The following NPAS3 variants were observed in gnomAD, a reference collection of about 807,000 sequenced individuals.
The protein encoded by NPAS3 is neuronal PAS domain protein 3.
In NPAS3, 14 loss-of-function variants were observed where a neutral mutation model predicts 73.1. That is an observed-to-expected ratio of 0.19 (90% CI 0.13 to 0.30). The LOEUF (loss-of-function observed/expected upper bound fraction) is 0.30. Among genes scored for constraint, NPAS3 ranks in the 10% least tolerant of loss-of-function variants. NPAS3 has a pLI of 1.00. For missense variants in NPAS3, 1,096 were observed against 1,250.0 expected (o/e 0.88, Z 1.86); for synonymous variants, 620 against 541.5 (o/e 1.14, Z -2.01).
intron 5 of NPAS3, among the ~76,000 whole-genome samples, chr14:33,625,025 C>T (rs1325970227): frequency 2.6e-5 from 4 of 152,062 alleles, no homozygotes; most frequent in Non-Finnish European, 5.9e-5. Flanking sequence ...AGTATGTTTT[C>T]TGTTTGACTG....
At chr14:33,660,500 T>C (rs2059275528) in intron 5 of NPAS3, among the ~76,000 whole-genome samples, 1 of 152,244 alleles carries the variant, frequency 6.6e-6, no homozygotes, top group Non-Finnish European at 1.5e-5. Context: ...ATGGATTGCA[T>C]GAAATTTTCC....
At chr14:33,456,923 A>G (rs2050048058) in intron 4 of NPAS3, among the ~76,000 whole-genome samples, 1 of 152,214 alleles carries the variant, frequency 6.6e-6, no homozygotes, top group African/African-American at 2.4e-5. Flanking sequence ...AAGCAGGGGA[A>G]GGACTTCCTC....
intron 2 of NPAS3, among the ~76,000 whole-genome samples, chr14:33,062,712 G>T (rs2041152478): frequency 6.6e-6 from 1 of 152,230 alleles, no homozygotes; most frequent in Non-Finnish European, 1.5e-5. Context: ...ACCACAACGA[G>T]CCTTTTGTAG....
At chr14:33,196,045 GAGTC>G (rs369287256) in intron 2 of NPAS3, among the ~76,000 whole-genome samples, 5 of 152,234 alleles carry the variant, frequency 3.3e-5, no homozygotes, top group African/African-American at 9.6e-5. Context: ...AAGAAACACA[GAGTC>G]AGAGAAATTA....
At chr14:33,261,896 G>T (rs567347636) in intron 3 of NPAS3, among the ~76,000 whole-genome samples, 3 of 152,302 alleles carry the variant, frequency 2.0e-5, no homozygotes, top group Admixed American at 2.0e-4. Context: ...ATCATGAGGA[G>T]TCTGTGCTTG....
chr14:33,531,790 G>C (rs116201870), intron 4 of NPAS3, among the ~76,000 whole-genome samples: 1 of 152,082 alleles, frequency 6.6e-6, no homozygotes, highest in Non-Finnish European at 1.5e-5. Context: ...ACCATTTTGC[G>C]TTCCCATCAA....
intron 4 of NPAS3, among the ~76,000 whole-genome samples, chr14:33,406,910 G>GT (rs1342636420): frequency 6.6e-6 from 1 of 152,086 alleles, no homozygotes; most frequent in Non-Finnish European, 1.5e-5. Flanking sequence ...TAATTTGCCT[G>GT]TAAACACCGG....
At chr14:33,773,412 C>T (rs1009301430) in intron 7 of NPAS3, among the ~76,000 whole-genome samples, 5 of 152,112 alleles carry the variant, frequency 3.3e-5, no homozygotes, top group South Asian at 2.1e-4. Context: ...CATGTGTGCA[C>T]GCACACCCCC....
chr14:33,232,933 G>A (rs78122361), intron 3 of NPAS3, among the ~76,000 whole-genome samples: 1,675 of 152,164 alleles, frequency 0.011, 26 homozygotes, highest in African/African-American at 0.038. Flanking sequence ...ATTTAGGGGC[G>A]GAAGAAAACT....
chr14:33,535,902 G>A (rs144194495), intron 4 of NPAS3, among the ~76,000 whole-genome samples: 14 of 152,170 alleles, frequency 9.2e-5, no homozygotes, highest in African/African-American at 2.9e-4. Flanking sequence ...ACCCAGCCAC[G>A]CTCTCTGCCC....
At chr14:33,703,512 C>CATTCATTT (rs1227409251) in intron 6 of NPAS3, among the ~76,000 whole-genome samples, 2 of 152,006 alleles carry the variant, frequency 1.3e-5, no homozygotes, top group South Asian at 2.1e-4. Context: ...ATCATTGACT[C>CATTCATTT]ATTCATTTAT....
intron 3 of NPAS3, among the ~76,000 whole-genome samples, chr14:33,296,302 ATCAT>A (rs1378292407): frequency 2.6e-5 from 4 of 152,316 alleles, no homozygotes; most frequent in African/African-American, 7.2e-5. Context: ...TTATATAGAC[ATCAT>A]TCAGTATGTG....
At chr14:33,605,406 A>C (rs1041210006) in intron 5 of NPAS3, among the ~76,000 whole-genome samples, 1 of 151,424 alleles carries the variant, frequency 6.6e-6, no homozygotes, top group African/African-American at 2.4e-5. Flanking sequence ...AAAAAAAAAA[A>C]AAAACACAAA....
intron 3 of NPAS3, among the ~76,000 whole-genome samples, chr14:33,227,619 G>A (rs2047683633): frequency 6.6e-6 from 1 of 152,134 alleles, no homozygotes; most frequent in Non-Finnish European, 1.5e-5. Flanking sequence ...GAAAGATTAT[G>A]TCTCCTGTGT....
At chr14:33,360,139 A>G (rs1051779470) in intron 3 of NPAS3, among the ~76,000 whole-genome samples, 1 of 152,198 alleles carries the variant, frequency 6.6e-6, no homozygotes, top group Non-Finnish European at 1.5e-5. Flanking sequence ...CCGAGTTCCC[A>G]GCAGAGTGCC....
chr14:33,684,699 C>G (rs2060038317), intron 6 of NPAS3, among the ~76,000 whole-genome samples: 1 of 152,236 alleles, frequency 6.6e-6, no homozygotes, highest in Non-Finnish European at 1.5e-5. Flanking sequence ...GTCACTTGGT[C>G]TGCATCAGCC....
At chr14:33,648,391 A>C (rs2058895752) in intron 5 of NPAS3, among the ~76,000 whole-genome samples, 1 of 152,184 alleles carries the variant, frequency 6.6e-6, no homozygotes, top group Non-Finnish European at 1.5e-5. Flanking sequence ...TTTTGAAAAT[A>C]ACTTGGGCAT....
At chr14:33,291,627 G>A (rs948603724) in intron 3 of NPAS3, among the ~76,000 whole-genome samples, 4 of 152,150 alleles carry the variant, frequency 2.6e-5, no homozygotes, top group East Asian at 1.9e-4. Flanking sequence ...TACAGGATCC[G>A]CTGGCTTTAT....
In NPAS3 at chr14:33,800,075, G is replaced by C. The variant is rs1273418409; in HGVS notation, c.1768G>C (p.Gly590Arg). Residue 590 changes from glycine (G) to arginine (R), a missense_variant, in exon 12 of 12, where the codon GGC (glycine) becomes CGC (arginine). By Grantham distance (125) the Gly-to-Arg change is moderately radical. Around this residue, in one of 5 missense-constraint regions of NPAS3, gnomAD observed 698 missense variants for 676.7 expected, o/e 1.03. Transcript: ENST00000356141. This position sits in a 1 kb window ranked among gnomAD's most constrained non-coding sequence, Gnocchi z 6.5. The stretch of plus-strand genomic sequence containing the variant: ...GGACTCGGACAGCGCAGGCGAGGCG[G>C]GCGCGCAGGCCTCCAGCAAGCACCA... 1.9e-6 allele frequency: 3 copies of C among 1,598,022 alleles called. No individual in the cohort carries two copies. Among genetic ancestry groups the C allele is most frequent in the Non-Finnish European group, 2.6e-6 (3 of 1,175,800 alleles).
Sources: allele counts gnomAD v4.1 joint callset (sites outside exome capture counted in the v4.1 genomes callset), GRCh38; gene constraint gnomAD v4.1.1; regional missense constraint gnomAD v4.1.1; non-coding constraint Gnocchi (gnomAD v3.1); transcripts MANE v1.5; gene names NCBI Gene and HGNC (gene_info 2026-07-23, HGNC 2026-07-21).